The following RAPGEF4 variants were observed in gnomAD, a reference collection of about 807,000 sequenced individuals.
The protein encoded by RAPGEF4 is Rap guanine nucleotide exchange factor 4.
In RAPGEF4, 66 loss-of-function variants were observed where a neutral mutation model predicts 147.9. That is an observed-to-expected ratio of 0.45 (90% CI 0.37 to 0.55). The LOEUF is 0.55. RAPGEF4 is among the 20% of genes least tolerant of loss of function. The probability of loss-of-function intolerance (pLI) is 0.00; values close to 1 mark genes in which losing one functional copy is unlikely to be tolerated. For missense variants in RAPGEF4, 1,071 were observed against 1,257.3 expected, an observed-to-expected ratio of 0.85 and a Z score of 2.24; for synonymous variants, 419 against 442.7, an observed-to-expected ratio of 0.95 and a Z score of 0.67.
At position 173,048,730 on chromosome 2, in the gene RAPGEF4, C is replaced by G. The variant is rs1301140609; in HGVS notation, c.2908+76C>G. 6.3e-6 allele frequency: 10 copies of G among 1,599,104 alleles called. No individual in the cohort carries two copies. In the Admixed American group the frequency reaches 1.8e-4, roughly 28 times the overall value. On this transcript the variant is annotated intron_variant, in intron 30 of 30. Coordinates refer to ENST00000397081, the MANE Select transcript of RAPGEF4 (RefSeq NM_007023.4). ...CTTCTTAATGAGGCCATTGAGACAC[C>G]CTTGGAGCCTGGGAAATATCTGACT...
intron 6 of RAPGEF4, among the ~76,000 whole-genome samples, chr2:172,942,675 A>G (rs987126786): frequency 6.6e-6 from 1 of 152,114 alleles, no homozygotes; most frequent in Non-Finnish European, 1.5e-5. Context: ...TCCAGCAAAA[A>G]TAGGATGCAA....
chr2:172,906,438 T>C (rs1699638086), intron 4 of RAPGEF4, among the ~76,000 whole-genome samples: 1 of 152,236 alleles, frequency 6.6e-6, no homozygotes, highest in African/African-American at 2.4e-5. Context: ...CAATTATCCC[T>C]GTGGCTTCCT....
At chr2:172,949,279 C>A (rs932804543) in intron 6 of RAPGEF4, among the ~76,000 whole-genome samples, 1 of 152,110 alleles carries the variant, frequency 6.6e-6, no homozygotes, top group African/African-American at 2.4e-5. Flanking sequence ...TCTGAGATAA[C>A]AAAGACACAA....
intron 4 of RAPGEF4, among the ~76,000 whole-genome samples, chr2:172,899,779 A>G (rs368214869): frequency 6.6e-6 from 1 of 152,214 alleles, no homozygotes; most frequent in Non-Finnish European, 1.5e-5. Flanking sequence ...GCTGCATTTC[A>G]GGCTAGAACT....
chr2:172,750,659 T>C (rs1695199901), intron 1 of RAPGEF4, among the ~76,000 whole-genome samples: 1 of 152,190 alleles, frequency 6.6e-6, no homozygotes, highest in Non-Finnish European at 1.5e-5. Context: ...TTATTTTATG[T>C]CTTTCTGGTA....
At chr2:172,904,124 G>A (rs1008258335) in intron 4 of RAPGEF4, among the ~76,000 whole-genome samples, 2 of 152,094 alleles carry the variant, frequency 1.3e-5, no homozygotes, top group Admixed American at 6.5e-5. Context: ...GCACTTTTTT[G>A]TAACTTCCAT....
chr2:173,048,637 A>G lies in RAPGEF4; in HGVS notation c.2891A>G (p.Tyr964Cys), dbSNP rs763938747. The change falls in exon 30 of 31, where the codon TAC (tyrosine) becomes TGC (cysteine). Residue 964 changes from tyrosine to cysteine, a missense_variant. By Grantham distance (194) the Tyr-to-Cys change is radical (BLOSUM62 -2). Coordinates refer to ENST00000397081, the MANE Select transcript of RAPGEF4 (RefSeq NM_007023.4). ...AATACGGCCAGAACAGTGAGATACT[A>G]CAGGAGCCAACCCTTCAGTAAGTTA... ...IANTARTVRYYRSQPFNPDAA... is the reference protein window; with the variant it reads ...IANTARTVRYCRSQPFNPDAA... The G allele has an allele frequency of 5.6e-6, 9 of 1,614,046 alleles. No homozygotes were observed. The Admixed American group carries it at 8.3e-5, about 15-fold the overall frequency.
intron 1 of RAPGEF4, among the ~76,000 whole-genome samples, chr2:172,783,893 T>A (rs1684933932): frequency 6.6e-6 from 1 of 152,050 alleles, no homozygotes; most frequent in Non-Finnish European, 1.5e-5. Flanking sequence ...AGTTTTCGGA[T>A]GAAATGACCA....
chr2:172,736,287 G>T lies in RAPGEF4; in HGVS notation c.65+239G>T, dbSNP rs370911175. On this transcript the variant is annotated intron_variant, in intron 1 of 30. Coordinates refer to ENST00000397081, the MANE Select transcript of RAPGEF4 (RefSeq NM_007023.4). ...GGTGGAGAAAATGCAGCGCAGTAAGGGGAGAGAGCACCCACCTCTCCAACC... is the reference window on the plus strand; with the variant it reads ...GGTGGAGAAAATGCAGCGCAGTAAGTGGAGAGAGCACCCACCTCTCCAACC... 1.0e-4 allele frequency: 32 copies of T among 317,380 alleles called. No homozygotes were observed. The East Asian group carries it at 1.2e-3, about 11-fold the overall frequency. The allele number at this position is 317,380 out of a possible 1,614,324, so 19.7% of individuals were successfully genotyped here.
At chr2:172,890,410 C>T (rs6756984) in intron 4 of RAPGEF4, among the ~76,000 whole-genome samples, 6,019 of 152,188 alleles carry the variant, frequency 0.04, 406 homozygotes, top group African/African-American at 0.14. Context: ...GAGTTTTCTT[C>T]GCAAGGAAGT....
chr2:172,929,349 T>C (rs3769256), intron 6 of RAPGEF4, among the ~76,000 whole-genome samples: 1 of 152,162 alleles, frequency 6.6e-6, no homozygotes, highest in East Asian at 1.9e-4. Flanking sequence ...TCTTTACCTT[T>C]AGATGACATT....
chr2:173,011,896 G>A (rs1695064971), intron 17 of RAPGEF4, among the ~76,000 whole-genome samples: 1 of 149,814 alleles, frequency 6.7e-6, no homozygotes, highest in Non-Finnish European at 1.5e-5. Flanking sequence ...TCCTATCTTG[G>A]GGTTATTTTT....
chr2:173,005,914 T>C (rs1198433470), intron 17 of RAPGEF4, among the ~76,000 whole-genome samples: 1 of 152,146 alleles, frequency 6.6e-6, no homozygotes, highest in South Asian at 2.1e-4. Context: ...TTGGAGGAAG[T>C]CCGTGTAGCA....
chr2:172,942,978 C>A (rs1362826086), intron 6 of RAPGEF4, among the ~76,000 whole-genome samples: 1 of 152,108 alleles, frequency 6.6e-6, no homozygotes, highest in Admixed American at 6.6e-5. Flanking sequence ...CTGGACATTG[C>A]AGCTTCAGAA....
At chr2:172,914,508 C>G (rs548751387) in intron 4 of RAPGEF4, among the ~76,000 whole-genome samples, 1 of 149,368 alleles carries the variant, frequency 6.7e-6, no homozygotes, top group Non-Finnish European at 1.5e-5. Context: ...CGGAAATATG[C>G]ATTTTAAAAT....
intron 4 of RAPGEF4, among the ~76,000 whole-genome samples, chr2:172,847,584 C>A (rs1405164913): frequency 6.6e-6 from 1 of 152,104 alleles, no homozygotes; most frequent in South Asian, 2.1e-4. Context: ...AGTGGGAAGA[C>A]CCTGAATGCT....
At chr2:173,032,200 C>T (rs1026769586) in intron 26 of RAPGEF4, among the ~76,000 whole-genome samples, 3 of 152,164 alleles carry the variant, frequency 2.0e-5, no homozygotes, top group African/African-American at 4.8e-5. Flanking sequence ...GTCGTGGAGA[C>T]GTCTTCTCTG....
At chr2:172,870,949 T>C (rs1376462192) in intron 4 of RAPGEF4, among the ~76,000 whole-genome samples, 1 of 152,214 alleles carries the variant, frequency 6.6e-6, no homozygotes, top group East Asian at 1.9e-4. Flanking sequence ...TTCTAAATTT[T>C]TGGTATAAAA....
chr2:172,786,872 G>C (rs1685260526), intron 1 of RAPGEF4, among the ~76,000 whole-genome samples: 1 of 151,994 alleles, frequency 6.6e-6, no homozygotes, highest in Non-Finnish European at 1.5e-5. Context: ...AGACAACATA[G>C]CAAGACCGCC....
Sources: allele counts gnomAD v4.1 joint callset (sites outside exome capture counted in the v4.1 genomes callset), GRCh38; gene constraint gnomAD v4.1.1; transcripts MANE v1.5; gene names NCBI Gene and HGNC (gene_info 2026-07-23, HGNC 2026-07-21).